UNC13C: variants seen among roughly 807,000 people sequenced by gnomAD.
The protein encoded by UNC13C is unc-13 homolog C.
A neutral mutation model predicts 245.4 loss-of-function variants in UNC13C; 174 were observed. That is an observed-to-expected ratio of 0.71 (90% CI 0.63 to 0.80). The LOEUF is 0.80. UNC13C is among the 30% of genes least tolerant of loss of function. The probability of loss-of-function intolerance (pLI) is 0.00; values close to 1 mark genes in which losing one functional copy is unlikely to be tolerated. For synonymous variants in UNC13C, 992 were observed against 895.1 expected, an observed-to-expected ratio of 1.11 and a Z score of -1.93; for missense variants, 2,829 against 2,602.9, an observed-to-expected ratio of 1.09 and a Z score of -1.89.
intron 30 of UNC13C, among the ~76,000 whole-genome samples, chr15:54,578,586 A>T (rs994575113): frequency 2.6e-5 from 4 of 152,248 alleles, no homozygotes; most frequent in African/African-American, 9.6e-5. Flanking sequence ...GTTTACATCT[A>T]AAGTTACGTA....
chr15:54,066,862 C>G (rs1898099795), intron 2 of UNC13C, among the ~76,000 whole-genome samples: 9 of 152,084 alleles, frequency 5.9e-5, no homozygotes, highest in Admixed American at 5.9e-4. Flanking sequence ...AGTCTTGTCC[C>G]ACAGAAATAT....
chr15:53,854,610 T>C, the UNC13C span, among the ~76,000 whole-genome samples: 1 of 152,196 alleles, frequency 6.6e-6, no homozygotes, highest in African/African-American at 2.4e-5. Context: ...GTTGTAGGTG[T>C]GTGGTCTTAT....
At chr15:54,607,753 G>A (rs537707716) in intron 30 of UNC13C, among the ~76,000 whole-genome samples, 60 of 152,168 alleles carry the variant, frequency 3.9e-4, no homozygotes, top group African/African-American at 1.4e-3. Flanking sequence ...CAAAGGGAAG[G>A]GGGAGGTGCT....
chr15:54,218,994 A>T (rs955922381), intron 4 of UNC13C, among the ~76,000 whole-genome samples: 2 of 152,084 alleles, frequency 1.3e-5, no homozygotes, highest in African/African-American at 4.8e-5. Context: ...GGGTAGGAAG[A>T]ATCAATATCG....
At chr15:54,365,540 G>C (rs767416999) in intron 17 of UNC13C, among the ~76,000 whole-genome samples, 5 of 151,914 alleles carry the variant, frequency 3.3e-5, no homozygotes, top group Non-Finnish European at 7.4e-5. Context: ...CTTTTTATTT[G>C]CCCAAATTAA....
At chr15:53,961,892 A>C in the UNC13C span, among the ~76,000 whole-genome samples, 1 of 152,216 alleles carries the variant, frequency 6.6e-6, no homozygotes, top group Non-Finnish European at 1.5e-5. Flanking sequence ...TTGGGGGAAA[A>C]AGAAGGCAGA....
intron 9 of UNC13C, 79 bp downstream of exon 9, chr15:54,264,474 T>A: frequency 9.3e-7 from 1 of 1,080,788 alleles, no homozygotes; most frequent in Non-Finnish European, 1.3e-6. Context: ...TAATAATAAT[T>A]ATAGGTAAAA....
intron 30 of UNC13C, among the ~76,000 whole-genome samples, chr15:54,617,339 G>A (rs1018099979): frequency 1.3e-5 from 2 of 151,948 alleles, no homozygotes; most frequent in East Asian, 1.9e-4. Flanking sequence ...TTTCCTCTTT[G>A]ATGTAAAAAA....
intron 4 of UNC13C, among the ~76,000 whole-genome samples, chr15:54,145,839 G>C (rs1353913806): frequency 2.6e-5 from 4 of 152,210 alleles, no homozygotes; most frequent in Non-Finnish European, 4.4e-5. Flanking sequence ...ATCCTTGTCA[G>C]AGCAACAGAG....
At chr15:54,524,444 T>G (rs1238673795) in intron 24 of UNC13C, among the ~76,000 whole-genome samples, 1 of 152,202 alleles carries the variant, frequency 6.6e-6, no homozygotes, top group Non-Finnish European at 1.5e-5. Context: ...AAGGATTGGT[T>G]TGATATAATT....
chr15:54,446,876 A>C (rs555478409), intron 19 of UNC13C, among the ~76,000 whole-genome samples: 18 of 152,318 alleles, frequency 1.2e-4, no homozygotes, highest in Admixed American at 1.2e-3. Flanking sequence ...GCCAGTTTTC[A>C]AAGGGAATGC....
At chr15:54,358,934 T>C (rs1022602733) in intron 17 of UNC13C, among the ~76,000 whole-genome samples, 65 of 152,030 alleles carry the variant, frequency 4.3e-4, no homozygotes, top group African/African-American at 1.5e-3. Context: ...TAATTGAGTA[T>C]GATGTTAGCT....
At chr15:54,186,561 A>G (rs932002932) in intron 4 of UNC13C, among the ~76,000 whole-genome samples, 17 of 148,138 alleles carry the variant, frequency 1.1e-4, no homozygotes, top group Admixed American at 4.6e-4. Context: ...ATCATACAGT[A>G]TAATTTTTCC....
chr15:54,482,432 A>C (rs916902985), intron 19 of UNC13C, among the ~76,000 whole-genome samples: 15 of 152,170 alleles, frequency 9.9e-5, no homozygotes, highest in Admixed American at 9.8e-4. Context: ...GTGAGAGCCA[A>C]AGGGTTCTCC....
At chr15:54,446,033 C>T (rs1000362787) in intron 19 of UNC13C, among the ~76,000 whole-genome samples, 4 of 152,118 alleles carry the variant, frequency 2.6e-5, no homozygotes, top group South Asian at 2.1e-4. Flanking sequence ...TTCCCAGCAC[C>T]GTTTGTTGAA....
At chr15:54,096,525 G>T (rs1054030232) in intron 2 of UNC13C, among the ~76,000 whole-genome samples, 1 of 151,994 alleles carries the variant, frequency 6.6e-6, no homozygotes, top group Admixed American at 6.6e-5. Context: ...CAACTCTCAC[G>T]CTTTCTTCAA....
At chr15:54,466,386 C>T (rs1567300069) in intron 19 of UNC13C, among the ~76,000 whole-genome samples, 1 of 151,830 alleles carries the variant, frequency 6.6e-6, no homozygotes, top group Non-Finnish European at 1.5e-5. Flanking sequence ...TTCAATTACC[C>T]TGATTTGATC....
At chr15:54,469,632 A>C (rs992737656) in intron 19 of UNC13C, among the ~76,000 whole-genome samples, 26 of 151,638 alleles carry the variant, frequency 1.7e-4, no homozygotes, top group Non-Finnish European at 3.1e-4. Flanking sequence ...CAATGCCAAC[A>C]CATCACTTCA....
At chr15:54,082,492 T>C (rs1899002722) in intron 2 of UNC13C, among the ~76,000 whole-genome samples, 1 of 152,222 alleles carries the variant, frequency 6.6e-6, no homozygotes, top group Non-Finnish European at 1.5e-5. Flanking sequence ...CTGACTGGGT[T>C]GCTTTGTGTT....
Sources: gnomAD v4.1 joint callset for allele counts (sites outside exome capture counted in the v4.1 genomes callset) on GRCh38, gnomAD v4.1.1 for gene constraint, MANE v1.5 for transcripts, NCBI Gene and HGNC (gene_info 2026-07-23, HGNC 2026-07-21) for gene names.